The following ITM2B variants were observed in gnomAD, a reference collection of about 807,000 sequenced individuals.
ITM2B encodes ABri/ADan amyloid peptide.
ITM2B carries 11 observed loss-of-function variants against 27.8 expected under a neutral mutation model. The ratio of observed to expected loss-of-function variants is 0.40; its 90% CI spans 0.25 to 0.66. The LOEUF is 0.66. Among genes scored for constraint, ITM2B ranks in the 30% least tolerant of loss-of-function variants. The probability of loss-of-function intolerance (pLI) is 0.43; values close to 1 mark genes in which losing one functional copy is unlikely to be tolerated. For missense variants in ITM2B, 296 were observed against 328.9 expected, an observed-to-expected ratio of 0.90 and a Z score of 0.77; for synonymous variants, 114 against 114.3, an observed-to-expected ratio of 1.00 and a Z score of 0.02.
chr13:48,244,157 A>G (rs927805347), intron 1 of ITM2B, among the ~76,000 whole-genome samples: 5 of 152,162 alleles, frequency 3.3e-5, no homozygotes, highest in African/African-American at 1.2e-4. Context: ...ATTCAGAAGC[A>G]CCTACTGGAT....
intron 3 of ITM2B, among the ~76,000 whole-genome samples, chr13:48,257,888 T>C (rs1027791573): frequency 1.3e-5 from 2 of 152,220 alleles, no homozygotes; most frequent in Non-Finnish European, 2.9e-5. Context: ...GAATAGGTAT[T>C]ATTACTTATT....
chr13:48,235,705 G>A, intron 1 of ITM2B, among the ~76,000 whole-genome samples: 1 of 152,176 alleles, frequency 6.6e-6, no homozygotes, highest in East Asian at 1.9e-4. Context: ...GCCTGGACTG[G>A]GAACAGAATC....
intron 1 of ITM2B, among the ~76,000 whole-genome samples, chr13:48,246,265 A>G (rs190984718): frequency 1.0e-3 from 157 of 152,386 alleles, no homozygotes; most frequent in African/African-American, 3.7e-3. Flanking sequence ...TCACAAATAT[A>G]GAGAGCAGCT....
In ITM2B at chr13:48,261,982, A is replaced by G. The variant is rs1330589341; in HGVS notation, c.*758A>G. On this transcript the variant is annotated 3_prime_UTR_variant, in exon 6 of 6. Transcript: ENST00000647800. ...AACTATTTTTTAAAAATTCACTTCT[A>G]TATATACAATGAGTAAAATCACAGA... The G allele has an allele frequency of 2.6e-5, 4 of 152,460 alleles. No homozygotes were observed. The highest frequency in any genetic ancestry group is 4.8e-5 in the African/African-American group (2 of 41,450). 9.4% of individuals were successfully genotyped at this position (152,460 alleles called of 1,614,324 possible). A position where few individuals can be genotyped will look rare whatever the true frequency, so the allele number is the denominator to read the frequency against.
At position 48,248,234 on chromosome 13, in the gene ITM2B, T is replaced by TG. The variant is rs1045943018; in HGVS notation, c.118-5567dup. Among the ~76,000 whole-genome samples, 10 of 152,180 alleles carry TG rather than the reference T, an allele frequency of 6.6e-5. No individual in the cohort carries two copies. The South Asian group carries it at 8.3e-4, about 13-fold the overall frequency. ...TATATGTTGTGCAACGTGCCTTTTT[T>TG]GGGGGGGTCAGCAATTATGTTTCTT... On this transcript the variant is annotated intron_variant, in intron 1 of 5. Transcript: ENST00000647800.
At chr13:48,237,556 A>G (rs7987490) in intron 1 of ITM2B, among the ~76,000 whole-genome samples, 3,779 of 152,332 alleles carry the variant, frequency 0.025, 150 homozygotes, top group African/African-American at 0.086. Context: ...CAACTCTGAC[A>G]TATAAAAGGT....
At chr13:48,252,125 T>C (rs954786342) in intron 1 of ITM2B, among the ~76,000 whole-genome samples, 1 of 152,216 alleles carries the variant, frequency 6.6e-6, no homozygotes, top group Non-Finnish European at 1.5e-5. Context: ...AAATTCTATG[T>C]TTGAAATCTC....
chr13:48,240,994 T>C (rs1427554319), intron 1 of ITM2B, among the ~76,000 whole-genome samples: 3 of 152,224 alleles, frequency 2.0e-5, no homozygotes, highest in South Asian at 2.1e-4. Flanking sequence ...TATTCACTTA[T>C]TAGCTTCTTA....
At chr13:48,248,308 T>A (rs1951735236) in intron 1 of ITM2B, among the ~76,000 whole-genome samples, 1 of 151,998 alleles carries the variant, frequency 6.6e-6, no homozygotes, top group South Asian at 2.1e-4. Flanking sequence ...TTTTAATTTT[T>A]ATTTTTTAAA....
chr13:48,238,605 A>G (rs1299958979), intron 1 of ITM2B, among the ~76,000 whole-genome samples: 1 of 152,222 alleles, frequency 6.6e-6, no homozygotes, highest in Non-Finnish European at 1.5e-5. Context: ...AAAGAGAAAT[A>G]AAATTTTCAC....
At chr13:48,235,162 C>G (rs976504958) in intron 1 of ITM2B, among the ~76,000 whole-genome samples, 1 of 152,170 alleles carries the variant, frequency 6.6e-6, no homozygotes, top group African/African-American at 2.4e-5. Flanking sequence ...AAACTCTGGA[C>G]AAACATCAGA....
chr13:48,259,920 T>C (rs986907920), intron 5 of ITM2B, among the ~76,000 whole-genome samples: 1 of 152,128 alleles, frequency 6.6e-6, no homozygotes, highest in African/African-American at 2.4e-5. Context: ...TACATAGGTA[T>C]ACAGGTGCCA....
Position 48,256,180 on chromosome 13 carries a change from G to A in ITM2B, c.250G>A (p.Asp84Asn). 6.2e-7 allele frequency: 1 copy of A among 1,610,416 alleles called. No homozygotes were observed. The highest frequency in any genetic ancestry group is 1.1e-5 in the South Asian group (1 of 91,004). The change falls in exon 3 of 6, where the codon GAT becomes AAT. Residue 84 changes from aspartate to asparagine, a missense_variant. Asp to Asn is a conservative substitution (Grantham distance 23, BLOSUM62 1). Coordinates refer to ENST00000647800, the MANE Select transcript of ITM2B (RefSeq NM_021999.5). ...YLYKYFALQPDDVYYCGIKYI... is the reference protein window; with the variant it reads ...YLYKYFALQPNDVYYCGIKYI... ...TGAGTCTTTAAACTCTCTATAGCCA[G>A]ATGACGTGTACTACTGTGGAATAAA... is the stretch of plus-strand genomic sequence containing the variant.
intron 1 of ITM2B, among the ~76,000 whole-genome samples, chr13:48,246,625 ACAAAACCCAGAACT>A (rs1951725889): frequency 6.6e-6 from 1 of 152,222 alleles, no homozygotes; most frequent in Non-Finnish European, 1.5e-5. Flanking sequence ...GTCCCAGTGT[ACAAAACCCAGAACT>A]CAAAACCCTT....
Position 48,242,237 on chromosome 13 carries a change from A to G in ITM2B, c.117+8760A>G, listed in dbSNP as rs1409267202. 2.6e-5 allele frequency among the ~76,000 whole-genome samples: 4 copies of G among 152,220 alleles called. No individual in the cohort carries two copies. In the East Asian group the frequency reaches 5.8e-4, roughly 22 times the overall value. The stretch of plus-strand genomic sequence containing the variant: ...ATTTTACTTCCATTCTTGTATAACA[A>G]CTTTTTATTTTCCCTGAATTTGATC... On this transcript the variant is annotated intron_variant, in intron 1 of 5. Transcript: ENST00000647800.
At chr13:48,259,158 TGTCA>T (rs1566164317) in intron 5 of ITM2B, among the ~76,000 whole-genome samples, 1 of 152,216 alleles carries the variant, frequency 6.6e-6, no homozygotes, top group Admixed American at 6.5e-5. Context: ...CAATGTGAAA[TGTCA>T]TTGCCTTGAG....
intron 1 of ITM2B, among the ~76,000 whole-genome samples, chr13:48,235,135 G>A (rs939939649): frequency 4.6e-5 from 7 of 152,148 alleles, no homozygotes; most frequent in African/African-American, 1.7e-4. Context: ...TCTCTGTTCC[G>A]CTGTAGTGGA....
intron 1 of ITM2B, 54 bp downstream of exon 1, chr13:48,233,531 T>A: frequency 8.0e-7 from 1 of 1,243,018 alleles, no homozygotes; most frequent in Non-Finnish European, 1.1e-6. Flanking sequence ...CGGGGAGGGC[T>A]GCGCGGACTG....
At chr13:48,257,868 C>A (rs1226662283) in intron 3 of ITM2B, among the ~76,000 whole-genome samples, 3 of 152,064 alleles carry the variant, frequency 2.0e-5, no homozygotes, top group Admixed American at 1.3e-4. Flanking sequence ...TAAGTATTTG[C>A]AGTTAATTTG....
Sources: gnomAD v4.1 joint callset for allele counts (sites outside exome capture counted in the v4.1 genomes callset) on GRCh38, gnomAD v4.1.1 for gene constraint, MANE v1.5 for transcripts, NCBI Gene and HGNC (gene_info 2026-07-23, HGNC 2026-07-21) for gene names.